Variants in AZIN2 observed in about 807,000 individuals in gnomAD.
The protein encoded by AZIN2 is ODC antizyme inhibitor-2.
A neutral mutation model predicts 47.8 loss-of-function variants in AZIN2; 28 were observed. That is an observed-to-expected ratio of 0.59 (90% CI 0.43 to 0.80). The LOEUF is 0.80. Ranked by LOEUF, AZIN2 falls within the 30% of genes least tolerant of loss-of-function variation. The pLI, the probability that AZIN2 is intolerant of heterozygous loss-of-function variation, is 0.00. For synonymous variants in AZIN2, 221 were observed against 239.4 expected (o/e 0.92, Z 0.71); for missense variants, 535 against 582.5 (o/e 0.92, Z 0.84).
chr1:33,098,001 T>C, intron 9 of AZIN2, 66 bp from the exon 10 acceptor site: 1 of 1,187,730 alleles, frequency 8.4e-7, no homozygotes, highest in Non-Finnish European at 1.3e-6. Context: ...CCCACTGTTG[T>C]GTCAGCCCCA....
chr1:33,145,881 ACTCC>A, the AZIN2 span: 50 of 470,772 alleles, frequency 1.1e-4, no homozygotes, highest in Admixed American at 2.1e-4. Context: ...CATTTCCCAG[ACTCC>A]CTTGCAGCCA....
chr1:33,094,843 T>C, intron 8 of AZIN2, 130 bp downstream of exon 8: 1 of 964,272 alleles, frequency 1.0e-6, no homozygotes, highest in Non-Finnish European at 1.5e-6. Flanking sequence ...CTTACCTGGG[T>C]GATCTCACTG....
rs752203621 is a variant in AZIN2, at chr1:33,120,033, C to T, written c.1245-11C>T. On this transcript the variant is annotated splice_polypyrimidine_tract_variant and intron_variant, in intron 11 of 11. Coordinates refer to ENST00000294517, the MANE Select transcript of AZIN2 (RefSeq NM_052998.4). ...TGCTGGCTACTTGCAGCACCCCTCT[C>T]TCACCCCTAGGGAAGCGCTGCGAAG... 1 of 1,613,516 alleles carries T rather than the reference C, an allele frequency of 6.2e-7. No individual in the cohort carries two copies. Among genetic ancestry groups the T allele is most frequent in the Admixed American group, 1.7e-5 (1 of 59,988 alleles).
chr1:33,155,895 C>T, the AZIN2 span, among the ~76,000 whole-genome samples: 8 of 152,286 alleles, frequency 5.3e-5, no homozygotes, highest in African/African-American at 1.9e-4. Context: ...TGTTTCAGAC[C>T]TTCTTCTCTA....
intron 7 of AZIN2, 81 bp from the exon 8 acceptor site, chr1:33,094,466 GC>G: frequency 2.1e-6 from 3 of 1,435,366 alleles, no homozygotes; most frequent in Non-Finnish European, 2.9e-6. Flanking sequence ...TCATGTGCCT[GC>G]CCAATGTCAT....
chr1:33,095,680 A>G (rs886869746), intron 8 of AZIN2, among the ~76,000 whole-genome samples: 2 of 152,214 alleles, frequency 1.3e-5, no homozygotes, highest in Admixed American at 6.5e-5. Flanking sequence ...CCCCCTACAC[A>G]CTACAAAATC....
At chr1:33,083,420 G>A (rs1641513985) in intron 4 of AZIN2, 1 of 192,592 alleles carries the variant, frequency 5.2e-6, no homozygotes, top group African/African-American at 2.3e-5. Context: ...GTGTCAGTGG[G>A]ACTAGCTTAA....
intron 10 of AZIN2, among the ~76,000 whole-genome samples, chr1:33,099,736 T>G (rs1239884061): frequency 2.0e-5 from 3 of 152,244 alleles, no homozygotes; most frequent in African/African-American, 7.2e-5. Flanking sequence ...CCCTGAACGA[T>G]GCTGCGGTTT....
rs1394328999 is a variant in AZIN2, at chr1:33,094,658, T to C, written c.698T>C (p.Leu233Pro). ...GAGCTGGGTCACAAGATGCACGTTC[T>C]GGACCTTGGTGGTGGCTTCCCTGGC... ...GTELGHKMHV[L>P]DLGGGFPGTE... The change falls in exon 8 of 12, where the codon CTG (leucine) becomes CCG (proline). Residue 233 changes from leucine (L) to proline (P), a missense_variant. Leu to Pro is a moderately conservative substitution (Grantham distance 98, BLOSUM62 -3). Transcript: ENST00000294517. 6.2e-7 allele frequency: 1 copy of C among 1,614,100 alleles called. No homozygotes were observed. The highest frequency in any genetic ancestry group is 8.5e-7 in the Non-Finnish European group (1 of 1,180,044).
At chr1:33,114,371 T>G (rs1434635837) in intron 10 of AZIN2, among the ~76,000 whole-genome samples, 3 of 135,272 alleles carry the variant, frequency 2.2e-5, no homozygotes, top group Non-Finnish European at 3.2e-5. Flanking sequence ...TTTTTTTTTT[T>G]GAGATGGAGT....
In AZIN2 at chr1:33,085,669, G is replaced by A. The variant is rs561922693; in HGVS notation, c.279+1542G>A. On this transcript the variant is annotated intron_variant, in intron 5 of 11. Coordinates refer to ENST00000294517, the MANE Select transcript of AZIN2 (RefSeq NM_052998.4). Reference sequence around the variant, plus strand: ...GAGAGGTGTGCACTTGGCCGGGATGGTCAGAATGAGCAGGTTAACCTGTAG... The same window carrying A: ...GAGAGGTGTGCACTTGGCCGGGATGATCAGAATGAGCAGGTTAACCTGTAG... 1.1e-4 allele frequency among the ~76,000 whole-genome samples: 16 copies of A among 152,324 alleles called. No homozygotes were observed. The South Asian group carries it at 2.9e-3, about 28-fold the overall frequency.
chr1:33,143,251 C>T, the AZIN2 span: 2 of 152,222 alleles, frequency 1.3e-5, no homozygotes, highest in Non-Finnish European at 2.9e-5. Context: ...ATAGTTACTT[C>T]CACACACGTG....
chr1:33,089,199 C>T (rs898461337), intron 5 of AZIN2, among the ~76,000 whole-genome samples: 1 of 152,158 alleles, frequency 6.6e-6, no homozygotes, highest in Admixed American at 6.5e-5. Flanking sequence ...CTCTGTTCCC[C>T]ACCTTATAAG....
At chr1:33,151,108 G>A in the AZIN2 span, among the ~76,000 whole-genome samples, 1,038 of 152,194 alleles carry the variant, frequency 6.8e-3, 9 homozygotes, top group African/African-American at 0.024. Context: ...CCACTGATGA[G>A]TGGGAGGGCA....
intron 11 of AZIN2, chr1:33,118,341 G>C: frequency 2.1e-6 from 1 of 469,236 alleles, no homozygotes; most frequent in South Asian, 4.6e-5. Flanking sequence ...AAGCAGACAG[G>C]CCCTTGTGAT....
In AZIN2 at chr1:33,082,253, G is replaced by C; in HGVS notation, c.4G>C (p.Ala2Pro). 6.2e-7 allele frequency: 1 copy of C among 1,613,860 alleles called. No individual in the cohort carries two copies. Among genetic ancestry groups the C allele is most frequent in the Non-Finnish European group, 8.5e-7 (1 of 1,179,860 alleles). Residue 2 changes from alanine to proline, a missense_variant, in exon 4 of 12, where the codon GCT becomes CCT. Physicochemically the swap from Ala to Pro is conservative, Grantham distance 27. Coordinates refer to ENST00000294517, the MANE Select transcript of AZIN2 (RefSeq NM_052998.4). ...CCGTCAGCTCCTCCTGCAAGGCATGGCTGGCTACCTGAGTGAATCGGACTT... is the reference window on the plus strand; with the variant it reads ...CCGTCAGCTCCTCCTGCAAGGCATGCCTGGCTACCTGAGTGAATCGGACTT... M[A>P]GYLSESDFVM...
intron 8 of AZIN2, among the ~76,000 whole-genome samples, chr1:33,096,390 G>C (rs1032035653): frequency 6.6e-6 from 1 of 152,118 alleles, no homozygotes; most frequent in Non-Finnish European, 1.5e-5. Flanking sequence ...TAACAAACTG[G>C]TTATTTATGA....
At chr1:33,097,381 G>A (rs1449025388) in intron 9 of AZIN2, among the ~76,000 whole-genome samples, 1 of 152,244 alleles carries the variant, frequency 6.6e-6, no homozygotes, top group Non-Finnish European at 1.5e-5. Flanking sequence ...ATAAGGGGCA[G>A]TGTGGGGATT....
At chr1:33,157,380 G>A in the AZIN2 span, among the ~76,000 whole-genome samples, 16 of 152,164 alleles carry the variant, frequency 1.1e-4, no homozygotes, top group South Asian at 2.1e-4. Flanking sequence ...AGATACCTAC[G>A]TGGCTCACTC....
Sources: allele counts gnomAD v4.1 joint callset (sites outside exome capture counted in the v4.1 genomes callset), GRCh38; gene constraint gnomAD v4.1.1; transcripts MANE v1.5; gene names NCBI Gene and HGNC (gene_info 2026-07-23, HGNC 2026-07-21).